Variants in SLBP observed in about 807,000 individuals in gnomAD.
The protein encoded by SLBP is histone RNA hairpin-binding protein.
In SLBP, 29 loss-of-function variants were observed where a neutral mutation model predicts 39.2. That is an observed-to-expected ratio of 0.74 (90% CI 0.55 to 1.01). SLBP has a LOEUF of 1.01. SLBP is among the 50% of genes least tolerant of loss of function. The pLI is 0.00. For missense variants in SLBP, 390 were observed against 350.2 expected, an observed-to-expected ratio of 1.11 and a Z score of -0.91; for synonymous variants, 129 against 118.7, an observed-to-expected ratio of 1.09 and a Z score of -0.57.
chr4:1,693,441 T>C lies in SLBP; in HGVS notation c.*156A>G. On this transcript the variant is annotated 3_prime_UTR_variant, in exon 8 of 8. Transcript: ENST00000489418. ...ATACTCACTATACATAAAATTAATG[T>C]TTCTTAAGAAAGTAAGGCAAAAATA... The C allele has an allele frequency of 1.6e-6, 1 of 612,412 alleles. No individual in the cohort carries two copies. The highest frequency in any genetic ancestry group is 1.8e-5 in the African/African-American group (1 of 54,336). 37.9% of individuals were successfully genotyped at this position (612,412 alleles called of 1,614,324 possible). A position where few individuals can be genotyped will look rare whatever the true frequency, so the allele number is the denominator to read the frequency against.
intron 2 of SLBP, among the ~76,000 whole-genome samples, chr4:1,708,047 C>G (rs138501799): frequency 0.015 from 2,275 of 150,644 alleles, 32 homozygotes; most frequent in Non-Finnish European, 0.026. Context: ...CCACTGCACT[C>G]CAGCCTGGGC....
At chr4:1,700,219 G>C (rs1716274148) in intron 3 of SLBP, 149 bp from the exon 4 acceptor site, 6 of 439,520 alleles carry the variant, frequency 1.4e-5, no homozygotes, top group South Asian at 6.2e-5. Context: ...GTCAGGTTCA[G>C]TTTAAGTAGT....
At chr4:1,711,567 C>T (rs1347427212) in intron 2 of SLBP, among the ~76,000 whole-genome samples, 1 of 152,224 alleles carries the variant, frequency 6.6e-6, no homozygotes, top group Non-Finnish European at 1.5e-5. Flanking sequence ...CTGACTTCCA[C>T]GTGTTCACGA....
rs745939541 is a variant in SLBP at position 1,699,669 on chromosome 4, G to A, written c.374C>T (p.Pro125Leu). The A allele has an allele frequency of 8.7e-6, 14 of 1,613,528 alleles. No individual in the cohort carries two copies. In the East Asian group the frequency reaches 1.1e-4, roughly 13 times the overall value. The change falls in exon 5 of 8, where the codon CCG (proline) becomes CTG (leucine). Residue 125 changes from proline to leucine, a missense_variant. Pro to Leu is a moderately conservative substitution (Grantham distance 98). Coordinates refer to ENST00000489418, the MANE Select transcript of SLBP (RefSeq NM_006527.4). ...SDSKESMSTV[P>L]ADFETDESVL... Reference sequence around the variant, plus strand: ...ACTTTCATCTGTCTCAAAGTCAGCCGGCACAGTAGACATAGACTCCTTTGA... The same window carrying A: ...ACTTTCATCTGTCTCAAAGTCAGCCAGCACAGTAGACATAGACTCCTTTGA...
chr4:1,705,533 GA>G (rs1716485573), intron 2 of SLBP, among the ~76,000 whole-genome samples: 1 of 152,126 alleles, frequency 6.6e-6, no homozygotes, highest in African/African-American at 2.4e-5. Flanking sequence ...CTTTAGTTCT[GA>G]ATTATCTGTA....
At chr4:1,697,247 C>T (rs1362088677) in intron 5 of SLBP, among the ~76,000 whole-genome samples, 1 of 146,066 alleles carries the variant, frequency 6.8e-6, no homozygotes, top group East Asian at 2.1e-4. Context: ...GCAGGCAGAT[C>T]ACCTGAGATC....
chr4:1,694,991 G>A (rs1716054713), intron 6 of SLBP, 151 bp from the exon 7 acceptor site: 1 of 638,254 alleles, frequency 1.6e-6, no homozygotes, highest in African/African-American at 1.8e-5. Flanking sequence ...GTGACTATTT[G>A]ACAGACTTAA....
intron 4 of SLBP, 117 bp from the exon 5 acceptor site, chr4:1,699,818 A>T: frequency 9.7e-7 from 1 of 1,029,736 alleles, no homozygotes; most frequent in South Asian, 1.5e-5. Flanking sequence ...ATTCCCAACC[A>T]TATGAATCCT....
At chr4:1,697,401 G>A (rs1225438971) in intron 5 of SLBP, among the ~76,000 whole-genome samples, 3 of 151,482 alleles carry the variant, frequency 2.0e-5, no homozygotes, top group Non-Finnish European at 4.4e-5. Flanking sequence ...CCCATGAGGC[G>A]GAGGTTGCAG....
chr4:1,696,722 A>T (rs1321739636), intron 5 of SLBP, among the ~76,000 whole-genome samples: 1 of 151,912 alleles, frequency 6.6e-6, no homozygotes, highest in East Asian at 1.9e-4. Context: ...ACATGGTGAA[A>T]CCCCGTCTCT....
At chr4:1,707,619 A>G (rs1190200443) in intron 2 of SLBP, among the ~76,000 whole-genome samples, 4 of 152,124 alleles carry the variant, frequency 2.6e-5, no homozygotes, top group Admixed American at 6.6e-5. Context: ...TTATTTTTCT[A>G]CCCCATTTTT....
At chr4:1,705,648 TTC>T (rs1220672101) in intron 2 of SLBP, among the ~76,000 whole-genome samples, 1 of 152,018 alleles carries the variant, frequency 6.6e-6, no homozygotes, top group Non-Finnish European at 1.5e-5. Context: ...GATGATAATC[TTC>T]TGATTTATCC....
chr4:1,708,727 C>T (rs1577187579), intron 2 of SLBP, among the ~76,000 whole-genome samples: 1 of 152,192 alleles, frequency 6.6e-6, no homozygotes, highest in East Asian at 1.9e-4. Context: ...GACAACAAAG[C>T]CTAATTTTAC....
At chr4:1,704,241 G>A (rs1421161671) in intron 2 of SLBP, among the ~76,000 whole-genome samples, 3 of 152,188 alleles carry the variant, frequency 2.0e-5, no homozygotes, top group African/African-American at 4.8e-5. Context: ...ATTAAGATGG[G>A]AGATTTGCTT....
chr4:1,696,160 C>A, intron 6 of SLBP, 42 bp downstream of exon 6: 1 of 1,510,652 alleles, frequency 6.6e-7, no homozygotes, highest in South Asian at 1.3e-5. Context: ...AGTCACTGGA[C>A]CAATCAGAGA....
At chr4:1,699,920 G>T in intron 4 of SLBP, 91 bp downstream of exon 4, 5 of 959,134 alleles carry the variant, frequency 5.2e-6, no homozygotes, top group South Asian at 4.5e-5. Flanking sequence ...ATGCTACTGC[G>T]ACAGTCAGCA....
chr4:1,712,231 C>T lies in SLBP; in HGVS notation c.-43G>A. 4 of 1,184,138 alleles carry T rather than the reference C, an allele frequency of 3.4e-6. No homozygotes were observed. The South Asian group carries it at 7.2e-5, about 21-fold the overall frequency. 73.4% of individuals were successfully genotyped at this position (1,184,138 alleles called of 1,614,324 possible). ...GCGCAGCGCAGGGCCGAGGCTGAGG[C>T]GGCGGCGGCGCGGGCAGAGAGCGCA... On this transcript the variant is annotated 5_prime_UTR_variant, in exon 1 of 8. Coordinates refer to ENST00000489418, the MANE Select transcript of SLBP (RefSeq NM_006527.4).
At chr4:1,711,740 G>T in intron 2 of SLBP, 134 bp downstream of exon 2, 2 of 432,248 alleles carry the variant, frequency 4.6e-6, no homozygotes, top group Non-Finnish European at 7.8e-6. Flanking sequence ...CACGGGCCGC[G>T]CGGAGACCAA....
intron 2 of SLBP, among the ~76,000 whole-genome samples, chr4:1,708,304 G>A (rs1459506858): frequency 3.3e-5 from 5 of 152,178 alleles, no homozygotes; most frequent in Admixed American, 2.0e-4. Flanking sequence ...ACCTATTTTA[G>A]CTGTAAACCA....
Sources: gnomAD v4.1 joint callset for allele counts (sites outside exome capture counted in the v4.1 genomes callset) on GRCh38, gnomAD v4.1.1 for gene constraint, MANE v1.5 for transcripts, NCBI Gene and HGNC (gene_info 2026-07-23, HGNC 2026-07-21) for gene names.